PEBP4: variants seen among roughly 807,000 people sequenced by gnomAD.
PEBP4 encodes phosphatidylethanolamine-binding protein 4.
A neutral mutation model predicts 23.9 loss-of-function variants in PEBP4; 22 were observed. The observed-to-expected ratio is 0.92, with a 90% CI of 0.66 to 1.31. The LOEUF (loss-of-function observed/expected upper bound fraction) is 1.31. Ranked by LOEUF, PEBP4 falls within the 40% of genes most tolerant of loss-of-function variation. The probability of loss-of-function intolerance (pLI) is 0.00; values close to 1 mark genes in which losing one functional copy is unlikely to be tolerated. For missense variants in PEBP4, 324 were observed against 281.7 expected (o/e 1.15, Z -1.07); for synonymous variants, 112 against 99.3 (o/e 1.13, Z -0.76).
At chr8:22,907,984 G>C (rs2128778162) in intron 3 of PEBP4, among the ~76,000 whole-genome samples, 1 of 151,246 alleles carries the variant, frequency 6.6e-6, no homozygotes, top group African/African-American at 2.4e-5. Context: ...CTGCACTCCT[G>C]CATGGGTGAC....
At chr8:22,939,488 A>C (rs1305184285) in intron 1 of PEBP4, among the ~76,000 whole-genome samples, 1 of 152,100 alleles carries the variant, frequency 6.6e-6, no homozygotes, top group African/African-American at 2.4e-5. Context: ...TGTTTGTTTA[A>C]AATAGTTAAG....
At position 22,767,546 on chromosome 8, in the gene PEBP4, A is replaced by G. The variant is rs1478146417; in HGVS notation, c.358-40326T>C. Among the ~76,000 whole-genome samples, 4 of 152,198 alleles carry G rather than the reference A, an allele frequency of 2.6e-5. No individual in the cohort carries two copies. In the East Asian group the frequency reaches 7.7e-4, roughly 29 times the overall value. On this transcript the variant is annotated intron_variant, in intron 4 of 6. Transcript: ENST00000256404. ...GATAGAATACTATGATTGCATTTAC[A>G]TGACGCTCAAGAATACGCCTGATTG... is the stretch of plus-strand genomic sequence containing the variant.
At chr8:22,894,397 C>T (rs887298059) in intron 3 of PEBP4, among the ~76,000 whole-genome samples, 1 of 151,964 alleles carries the variant, frequency 6.6e-6, no homozygotes, top group African/African-American at 2.4e-5. Flanking sequence ...CATGGTAAGA[C>T]CCTGTCTCTA....
chr8:22,743,934 G>A lies in PEBP4; in HGVS notation c.358-16714C>T, dbSNP rs557091067. Among the ~76,000 whole-genome samples, 388 of 152,282 alleles carry A rather than the reference G, an allele frequency of 2.5e-3. 2 individuals carry two copies. Among genetic ancestry groups the A allele is most frequent in the Non-Finnish European group, 4.6e-3 (316 of 68,022 alleles). ...GCTTGTGAGGTCTCCCTGCTCACTC[G>A]GGGACCAGCCAAGCCTGACCCTGTT... On this transcript the variant is annotated intron_variant, in intron 4 of 6. Coordinates refer to ENST00000256404, the MANE Select transcript of PEBP4 (RefSeq NM_144962.3).
chr8:22,723,428 C>T (rs1311797126), intron 6 of PEBP4, among the ~76,000 whole-genome samples: 2 of 152,118 alleles, frequency 1.3e-5, no homozygotes, highest in Non-Finnish European at 2.9e-5. Flanking sequence ...TCCCTCCATC[C>T]TGCCTTCAGA....
chr8:22,903,132 A>C (rs1808743913), intron 3 of PEBP4, among the ~76,000 whole-genome samples: 1 of 152,082 alleles, frequency 6.6e-6, no homozygotes, highest in South Asian at 2.1e-4. Flanking sequence ...AAGAAGAATC[A>C]CCCCGGAAAC....
chr8:22,765,537 C>T (rs1585261033), intron 4 of PEBP4, among the ~76,000 whole-genome samples: 3 of 152,316 alleles, frequency 2.0e-5, no homozygotes, highest in African/African-American at 7.2e-5. Flanking sequence ...CTGGGAGGGA[C>T]CCCCTGCCTC....
chr8:22,856,025 G>C (rs969465721), intron 3 of PEBP4, among the ~76,000 whole-genome samples: 4 of 147,416 alleles, frequency 2.7e-5, no homozygotes, highest in African/African-American at 1.0e-4. Flanking sequence ...ACTCCAGCCT[G>C]GGCGAGGGTG....
intron 3 of PEBP4, among the ~76,000 whole-genome samples, chr8:22,841,939 C>G (rs1807338124): frequency 6.6e-6 from 1 of 152,230 alleles, no homozygotes; most frequent in South Asian, 2.1e-4. Flanking sequence ...GAAAGGGCCA[C>G]TCAAATGGCC....
At position 22,771,561 on chromosome 8, in the gene PEBP4, C is replaced by A. The variant is rs1396429632; in HGVS notation, c.358-44341G>T. On this transcript the variant is annotated intron_variant, in intron 4 of 6. Coordinates refer to ENST00000256404, the MANE Select transcript of PEBP4 (RefSeq NM_144962.3). Reference sequence around the variant, plus strand: ...TGTGATGAAATAATAATAATATTGACAACACTAAGCAATCATTGGATGGAA... The same window carrying A: ...TGTGATGAAATAATAATAATATTGAAAACACTAAGCAATCATTGGATGGAA... Among the ~76,000 whole-genome samples the A allele has an allele frequency of 7.9e-5, 12 of 152,082 alleles. 1 individual carries two copies.
At chr8:22,743,521 C>T (rs182809333) in intron 4 of PEBP4, among the ~76,000 whole-genome samples, 405 of 152,368 alleles carry the variant, frequency 2.7e-3, no homozygotes, top group Non-Finnish European at 3.9e-3. Flanking sequence ...ATGGCAGCCC[C>T]AGACCACAGC....
At chr8:22,932,342 T>C (rs1207095800), upstream of PEBP4, among the ~76,000 whole-genome samples, 1 of 152,204 alleles carries the variant, frequency 6.6e-6, no homozygotes, top group African/African-American at 2.4e-5. Flanking sequence ...TATGTGATGG[T>C]TGCACATATC....
chr8:22,757,192 T>G (rs1033394481), intron 4 of PEBP4: 1 of 152,240 alleles, frequency 6.6e-6, no homozygotes, highest in Non-Finnish European at 1.5e-5. Context: ...GATTATTCTC[T>G]TTTTATAGGT....
At chr8:22,855,045 T>C (rs10156242) in intron 3 of PEBP4, among the ~76,000 whole-genome samples, 1,645 of 5,454 alleles carry the variant, frequency 0.3, 64 homozygotes, top group Non-Finnish European at 0.41. Context: ...CACACACACA[T>C]GCACCCCAGG....
chr8:22,811,805 T>A (rs1806634811), intron 4 of PEBP4, among the ~76,000 whole-genome samples: 1 of 152,216 alleles, frequency 6.6e-6, no homozygotes, highest in Non-Finnish European at 1.5e-5. Context: ...CCTGGACTCA[T>A]CTAGTTTCAA....
intron 4 of PEBP4, among the ~76,000 whole-genome samples, chr8:22,750,295 T>C (rs1805226032): frequency 6.6e-6 from 1 of 151,802 alleles, no homozygotes; most frequent in Non-Finnish European, 1.5e-5. Context: ...AGAGACGGGG[T>C]TTCACCACTT....
chr8:22,808,189 C>T (rs1806543281), intron 4 of PEBP4, among the ~76,000 whole-genome samples: 1 of 151,002 alleles, frequency 6.6e-6, no homozygotes, highest in African/African-American at 2.4e-5. Flanking sequence ...ATCCACCTAT[C>T]CAACTTCCAT....
chr8:22,915,496 C>T (rs980576564), intron 3 of PEBP4, among the ~76,000 whole-genome samples: 5 of 152,194 alleles, frequency 3.3e-5, no homozygotes, highest in Non-Finnish European at 7.4e-5. Flanking sequence ...CATGCTTGCC[C>T]GCTACCTGTC....
intron 4 of PEBP4, among the ~76,000 whole-genome samples, chr8:22,778,105 G>A (rs1805850107): frequency 6.6e-6 from 1 of 152,128 alleles, no homozygotes; most frequent in South Asian, 2.1e-4. Context: ...ATTTGGGGGA[G>A]GCTGCCTCCT....
Sources: gnomAD v4.1 joint callset for allele counts (sites outside exome capture counted in the v4.1 genomes callset) on GRCh38, gnomAD v4.1.1 for gene constraint, MANE v1.5 for transcripts, NCBI Gene and HGNC (gene_info 2026-07-23, HGNC 2026-07-21) for gene names.